EPM2A: variants seen among roughly 807,000 people sequenced by gnomAD.
EPM2A encodes the protein EPM2A glucan phosphatase, laforin.
A neutral mutation model predicts 26.5 loss-of-function variants in EPM2A; 21 were observed. The observed-to-expected ratio is 0.79, with a 90% CI of 0.56 to 1.14. The LOEUF is 1.14. Ranked by LOEUF, EPM2A falls within the 50% of genes most tolerant of loss-of-function variation. The probability of loss-of-function intolerance (pLI) is 0.00; values close to 1 mark genes in which losing one functional copy is unlikely to be tolerated. For missense variants in EPM2A, 458 were observed against 440.8 expected, an observed-to-expected ratio of 1.04 and a Z score of -0.35; for synonymous variants, 217 against 177.6, an observed-to-expected ratio of 1.22 and a Z score of -1.76.
intron 2 of EPM2A, among the ~76,000 whole-genome samples, chr6:145,567,920 G>A (rs1780905500): frequency 3.3e-5 from 5 of 152,140 alleles, no homozygotes; most frequent in Admixed American, 2.6e-4. Flanking sequence ...CCTCTTTTCT[G>A]TGACTTTCCT....
At chr6:145,452,653 C>G (rs1310391042) in intron 4 of EPM2A, among the ~76,000 whole-genome samples, 22 of 145,844 alleles carry the variant, frequency 1.5e-4, no homozygotes, top group African/African-American at 5.3e-4. Flanking sequence ...CACGCCACTG[C>G]ACTCCCGCCT....
intron 4 of EPM2A, among the ~76,000 whole-genome samples, chr6:145,477,368 A>T (rs1416297536): frequency 4.0e-5 from 6 of 151,894 alleles, no homozygotes; most frequent in Non-Finnish European, 8.8e-5. Flanking sequence ...ACTAATACCA[A>T]TCCTACTCAA....
chr6:145,573,024 A>T (rs1780981212), intron 2 of EPM2A, among the ~76,000 whole-genome samples: 1 of 152,192 alleles, frequency 6.6e-6, no homozygotes, highest in African/African-American at 2.4e-5. Flanking sequence ...ACACCACTGG[A>T]CTTCTAGAAA....
intron 4 of EPM2A, among the ~76,000 whole-genome samples, chr6:145,408,134 A>G (rs1778594237): frequency 2.0e-5 from 3 of 152,046 alleles, no homozygotes; most frequent in Admixed American, 1.3e-4. Flanking sequence ...CCTTTGGAAT[A>G]TATCTCTTAT....
Position 145,735,411 on chromosome 6 carries a change from C to G in EPM2A, c.88G>C (p.Gly30Arg). The G allele has an allele frequency of 8.0e-7, 1 of 1,249,738 alleles. No homozygotes were observed. 77.4% of individuals were successfully genotyped at this position (1,249,738 alleles called of 1,614,324 possible). Residue 30 changes from glycine (G) to arginine (R), a missense_variant, in exon 1 of 4, where the codon GGG becomes CGG. Gly to Arg is a moderately radical substitution (Grantham distance 125, BLOSUM62 -2). Transcript: ENST00000367519. The part of the protein sequence containing the change: ...LLVVGSRPEL[G>R]RWEPRGAVRL... ...ACGGCACCGCGCGGCTCCCAACGCC[C>G]CAGCTCGGGCCGCGACCCCACCACC...
At chr6:145,529,673 G>A (rs534599947) in intron 2 of EPM2A, among the ~76,000 whole-genome samples, 9 of 152,106 alleles carry the variant, frequency 5.9e-5, no homozygotes, top group Non-Finnish European at 8.8e-5. Flanking sequence ...AGATGGCCTG[G>A]ATCCAAACCC....
At chr6:145,400,229 A>G (rs1415094579) in intron 4 of EPM2A, among the ~76,000 whole-genome samples, 1 of 152,186 alleles carries the variant, frequency 6.6e-6, no homozygotes, top group Non-Finnish European at 1.5e-5. Context: ...TGACTGAGAA[A>G]TCTTGGCCAA....
intron 2 of EPM2A, among the ~76,000 whole-genome samples, chr6:145,516,156 G>A (rs1780123517): frequency 6.6e-6 from 1 of 152,166 alleles, no homozygotes; most frequent in Non-Finnish European, 1.5e-5. Context: ...GCAAGATGCA[G>A]GGGTAGTGGT....
intron 4 of EPM2A, among the ~76,000 whole-genome samples, chr6:145,393,641 A>T (rs1483329252): frequency 1.3e-5 from 2 of 151,768 alleles, no homozygotes; most frequent in Non-Finnish European, 2.9e-5. Context: ...TACTGGGGCC[A>T]CTCTCTTAGT....
At chr6:145,547,452 C>T (rs1302718926) in intron 2 of EPM2A, among the ~76,000 whole-genome samples, 3 of 152,112 alleles carry the variant, frequency 2.0e-5, no homozygotes, top group Non-Finnish European at 1.5e-5. Flanking sequence ...AAGCAAAGTG[C>T]ATCAGCTGAC....
chr6:145,475,901 C>T (rs759524580), intron 4 of EPM2A, among the ~76,000 whole-genome samples: 1 of 151,720 alleles, frequency 6.6e-6, no homozygotes, highest in East Asian at 1.9e-4. Context: ...AAACAAATAA[C>T]AAAGTGGCAG....
intron 2 of EPM2A, 122 bp from the exon 3 acceptor site, chr6:145,635,608 G>A: frequency 1.0e-6 from 1 of 954,454 alleles, no homozygotes; most frequent in Non-Finnish European, 1.7e-6. Flanking sequence ...GGAAAAGCTA[G>A]ATATTTTAGA....
chr6:145,619,948 G>T (rs1562405421), intron 2 of EPM2A, among the ~76,000 whole-genome samples: 1 of 152,152 alleles, frequency 6.6e-6, no homozygotes, highest in Non-Finnish European at 1.5e-5. Flanking sequence ...ATGCAAACAG[G>T]TCTAAATATT....
At chr6:145,513,361 T>C (rs968086102) in intron 2 of EPM2A, among the ~76,000 whole-genome samples, 21 of 152,178 alleles carry the variant, frequency 1.4e-4, no homozygotes, top group Admixed American at 1.2e-3. Context: ...AGATACCATG[T>C]TACATCAATC....
intron 2 of EPM2A, among the ~76,000 whole-genome samples, chr6:145,594,729 CA>C (rs1781318150): frequency 1.3e-5 from 2 of 151,776 alleles, no homozygotes; most frequent in Non-Finnish European, 3.0e-5. Context: ...TGAAGAATTT[CA>C]ATGAATATTT....
intron 4 of EPM2A, among the ~76,000 whole-genome samples, chr6:145,462,770 C>A (rs971885850): frequency 6.6e-6 from 1 of 152,048 alleles, no homozygotes; most frequent in Non-Finnish European, 1.5e-5. Flanking sequence ...TTTTCTGGAC[C>A]CATCAATCTA....
At chr6:145,605,339 A>G (rs1481389574) in intron 2 of EPM2A, among the ~76,000 whole-genome samples, 2 of 151,990 alleles carry the variant, frequency 1.3e-5, no homozygotes, top group African/African-American at 4.8e-5. Context: ...TATTTAAAGG[A>G]TTTTTTTCTG....
At chr6:145,452,274 CCTG>C (rs922237986) in intron 4 of EPM2A, among the ~76,000 whole-genome samples, 19 of 152,010 alleles carry the variant, frequency 1.2e-4, no homozygotes, top group African/African-American at 4.6e-4. Flanking sequence ...TTTTTCTTTA[CCTG>C]CTGTGTGACC....
intron 2 of EPM2A, among the ~76,000 whole-genome samples, chr6:145,540,827 T>C (rs1297609327): frequency 6.6e-6 from 1 of 152,180 alleles, no homozygotes; most frequent in Admixed American, 6.5e-5. Context: ...CAGGTGTATA[T>C]GATAGAAATT....
Sources: allele counts gnomAD v4.1 joint callset (sites outside exome capture counted in the v4.1 genomes callset), GRCh38; gene constraint gnomAD v4.1.1; transcripts MANE v1.5; gene names NCBI Gene and HGNC (gene_info 2026-07-23, HGNC 2026-07-21).